The following POFUT2 variants were observed in gnomAD, a reference collection of about 807,000 sequenced individuals.
The protein encoded by POFUT2 is protein O-fucosyltransferase 2.
Under a neutral mutation model 55.0 loss-of-function variants are expected in POFUT2, and 30 were observed. That is an observed-to-expected ratio of 0.55 (90% CI 0.41 to 0.74). The LOEUF is 0.74. Among genes scored for constraint, POFUT2 ranks in the 30% least tolerant of loss-of-function variants. The pLI is 0.00. For synonymous variants in POFUT2, 267 were observed against 231.1 expected (o/e 1.16, Z -1.41); for missense variants, 524 against 562.6 (o/e 0.93, Z 0.69).
In POFUT2 at chr21:45,265,276, G is replaced by GTGGT; in HGVS notation, c.*205_*206insACCA. ...ACAACCGCCACCCCCGAGAGCAGCG[G>GTGGT]AGCCTCTTCATCAGCCATGGCGGCT... is the stretch of plus-strand genomic sequence containing the variant. On this transcript the variant is annotated 3_prime_UTR_variant, in exon 9 of 9. Transcript: ENST00000349485. The surrounding 1 kb of genome is among the most constrained non-coding windows in gnomAD (Gnocchi z 4.6). The GTGGT allele has an allele frequency of 2.3e-6, 1 of 429,568 alleles. No homozygotes were observed. 26.6% of individuals were successfully genotyped at this position (429,568 alleles called of 1,614,324 possible). A position where few individuals can be genotyped will look rare whatever the true frequency, so the allele number is the denominator to read the frequency against.
rs534951129 is a variant in POFUT2 at position 45,265,686 on chromosome 21, G to A, written c.1137-51C>T. ...AGTCAGGGAGAACTGGCGTCACAGA[G>A]GTTCCAGAGTCAGGGAGAACTGAGA... is the stretch of plus-strand genomic sequence containing the variant. On this transcript the variant is annotated intron_variant, in intron 8 of 8. Transcript: ENST00000349485. The surrounding 1 kb of genome is among the most constrained non-coding windows in gnomAD (Gnocchi z 4.6). 3.1e-6 allele frequency: 3 copies of A among 979,238 alleles called. No homozygotes were observed. The highest frequency in any genetic ancestry group is 4.0e-6 in the Non-Finnish European group (3 of 748,904). 60.7% of individuals were successfully genotyped at this position (979,238 alleles called of 1,614,324 possible).
chr21:45,278,208 T>G (rs190455714), intron 4 of POFUT2, 39 bp from the exon 5 acceptor site: 1 of 1,529,516 alleles, frequency 6.5e-7, no homozygotes, highest in Admixed American at 1.7e-5. Flanking sequence ...GTTATAAGAG[T>G]TAAGGATGAT....
rs530089816 is a variant in POFUT2 at position 45,287,835 on chromosome 21, C to T, written c.37G>A (p.Ala13Thr). 4.1e-6 allele frequency: 6 copies of T among 1,458,446 alleles called. No homozygotes were observed. In the African/African-American group the frequency reaches 5.9e-5, roughly 14 times the overall value. 90.3% of individuals were successfully genotyped at this position (1,458,446 alleles called of 1,614,324 possible). The change falls in exon 1 of 9, where the codon GCA becomes ACA. Residue 13 changes from alanine to threonine, a missense_variant. Physicochemically the swap from Ala to Thr is moderately conservative, Grantham distance 58. This residue lies in a region of POFUT2 where 274 missense variants were observed against 244.4 expected (regional missense o/e 1.12). Transcript: ENST00000349485. Reference protein sequence around the residue: ...TLSFVFLLLGAVSWPPASASG... With the variant: ...TLSFVFLLLGTVSWPPASASG... ...GCAGAAGCCGGAGGCCAGGACACTG[C>T]CCCCAGCAGCAGGAAGACGAAGCTG...
In POFUT2 at chr21:45,284,960, C is replaced by A. The variant is rs1021895334; in HGVS notation, c.382+718G>T. ...CAGAGTGACAAGATCTAGGGTGCAACGAGAACCACATCCTTGAAAAATGAT... is the reference window on the plus strand; with the variant it reads ...CAGAGTGACAAGATCTAGGGTGCAAAGAGAACCACATCCTTGAAAAATGAT... On this transcript the variant is annotated intron_variant, in intron 2 of 8. Transcript: ENST00000349485. The surrounding 1 kb of genome is among the most constrained non-coding windows in gnomAD (Gnocchi z 5.8). Among the ~76,000 whole-genome samples the A allele has an allele frequency of 6.6e-6, 1 of 152,094 alleles. No homozygotes were observed. Among genetic ancestry groups the A allele is most frequent in the African/African-American group, 2.4e-5 (1 of 41,394 alleles).
At chr21:45,283,058 G>A (rs912272894) in intron 3 of POFUT2, 2 of 392,004 alleles carry the variant, frequency 5.1e-6, no homozygotes, top group African/African-American at 2.1e-5. Flanking sequence ...TGTCAAGGAC[G>A]AGGAACGGTG....
chr21:45,267,767 T>C lies in POFUT2; in HGVS notation c.1013-54A>G. 3 of 1,509,496 alleles carry C rather than the reference T, an allele frequency of 2.0e-6. No individual in the cohort carries two copies. The highest frequency in any genetic ancestry group is 2.7e-6 in the Non-Finnish European group (3 of 1,091,510). The allele number at this position is 1,509,496 out of a possible 1,614,324, so 93.5% of individuals were successfully genotyped here. ...ACCGGGATCCTCCAGTAAGGACAGATACGTGACTCTTTAGCAGACAGACAT... is the reference window on the plus strand; with the variant it reads ...ACCGGGATCCTCCAGTAAGGACAGACACGTGACTCTTTAGCAGACAGACAT... On this transcript the variant is annotated intron_variant, in intron 7 of 8. Transcript: ENST00000349485. The surrounding 1 kb of genome is among the most constrained non-coding windows in gnomAD (Gnocchi z 4.4).
At chr21:45,268,717 G>A (rs1348413579) in intron 7 of POFUT2, among the ~76,000 whole-genome samples, 15 of 139,210 alleles carry the variant, frequency 1.1e-4, no homozygotes, top group East Asian at 4.5e-4. Context: ...CGGCCGCCCC[G>A]TCTGAGAAGT....
In POFUT2 at chr21:45,284,845, G is replaced by C. The variant is rs2031194612; in HGVS notation, c.382+833C>G. ...GCTTTTTACAAGCAGCAGACTTTCTGACTTGGTATCAACAAGGATGTTGGA... is the reference window on the plus strand; with the variant it reads ...GCTTTTTACAAGCAGCAGACTTTCTCACTTGGTATCAACAAGGATGTTGGA... On this transcript the variant is annotated intron_variant, in intron 2 of 8. Coordinates refer to ENST00000349485, the MANE Select transcript of POFUT2 (RefSeq NM_133635.6). This position sits in a 1 kb window ranked among gnomAD's most constrained non-coding sequence, Gnocchi z 5.8. 6.6e-6 allele frequency among the ~76,000 whole-genome samples: 1 copy of C among 152,176 alleles called. No individual in the cohort carries two copies. The highest frequency in any genetic ancestry group is 1.5e-5 in the Non-Finnish European group (1 of 68,032).
Position 45,267,724 on chromosome 21 carries a change from G to A in POFUT2, c.1013-11C>T. 6.2e-7 allele frequency: 1 copy of A among 1,612,790 alleles called. No homozygotes were observed. Among genetic ancestry groups the A allele is most frequent in the Non-Finnish European group, 8.5e-7 (1 of 1,178,946 alleles). ...TTAGCTCTTCATATTCTGCAAAGTAGAAGGAGAGACCCTTTGAACCGGGAT... is the reference window on the plus strand; with the variant it reads ...TTAGCTCTTCATATTCTGCAAAGTAAAAGGAGAGACCCTTTGAACCGGGAT... On this transcript the variant is annotated splice_polypyrimidine_tract_variant and intron_variant, in intron 7 of 8. Coordinates refer to ENST00000349485, the MANE Select transcript of POFUT2 (RefSeq NM_133635.6). The surrounding 1 kb of genome is among the most constrained non-coding windows in gnomAD (Gnocchi z 4.4).
At chr21:45,286,734 C>A (rs117082966) in intron 1 of POFUT2, among the ~76,000 whole-genome samples, 10 of 152,242 alleles carry the variant, frequency 6.6e-5, no homozygotes, top group Non-Finnish European at 1.2e-4. Flanking sequence ...CTGTCCCTGG[C>A]GCTCTCCTTT....
At chr21:45,283,132 G>A (rs1301057924) in intron 3 of POFUT2, among the ~76,000 whole-genome samples, 2 of 151,124 alleles carry the variant, frequency 1.3e-5, no homozygotes, top group Non-Finnish European at 3.0e-5. Context: ...CCCAGGAGGG[G>A]ACGCCCAGAA....
At chr21:45,274,243 A>G (rs1442773980) in intron 6 of POFUT2, among the ~76,000 whole-genome samples, 2 of 152,084 alleles carry the variant, frequency 1.3e-5, no homozygotes, top group African/African-American at 4.8e-5. Context: ...ACAAACAAAA[A>G]CAACCAAAAA....
At chr21:45,266,579 T>C (rs6518220) in intron 8 of POFUT2, 704,880 of 1,055,210 alleles carry the variant, frequency 0.67, 237,665 homozygotes, top group African/African-American at 0.9. Context: ...CAGGGGTGAG[T>C]TCGTAACTGG....
rs370486874 is a variant in POFUT2 at position 45,265,442 on chromosome 21, G to A, written c.*40C>T. ...ACGGCGACAGAACCTGCATCCACCC[G>A]CGCCTGTCGGGTCCGGGGAGCGGCC... On this transcript the variant is annotated 3_prime_UTR_variant, in exon 9 of 9. Coordinates refer to ENST00000349485, the MANE Select transcript of POFUT2 (RefSeq NM_133635.6). This position sits in a 1 kb window ranked among gnomAD's most constrained non-coding sequence, Gnocchi z 4.6. The A allele has an allele frequency of 1.9e-4, 290 of 1,560,456 alleles. No individual in the cohort carries two copies. The highest frequency in any genetic ancestry group is 1.7e-3 in the Middle Eastern group (8 of 4,648).
Position 45,269,785 on chromosome 21 carries a change from T to A in POFUT2, c.1012+54A>T, listed in dbSNP as rs1336864584. The stretch of plus-strand genomic sequence containing the variant: ...GTGAGAAACACCCAAGAATTATCAA[T>A]AAAAAAAATAAATTAAAAGAAAGGA... On this transcript the variant is annotated intron_variant, in intron 7 of 8. Coordinates refer to ENST00000349485, the MANE Select transcript of POFUT2 (RefSeq NM_133635.6). The A allele has an allele frequency of 7.3e-6, 11 of 1,504,040 alleles. No individual in the cohort carries two copies. In the Admixed American group the frequency reaches 1.4e-4, roughly 19 times the overall value. 93.2% of individuals were successfully genotyped at this position (1,504,040 alleles called of 1,614,324 possible). A position where few individuals can be genotyped will look rare whatever the true frequency, so the allele number is the denominator to read the frequency against.
intron 3 of POFUT2, 71 bp downstream of exon 3, chr21:45,283,312 G>GC (rs2030955678): frequency 6.4e-6 from 5 of 787,246 alleles, no homozygotes; most frequent in South Asian, 3.8e-5. Context: ...CTGAGGCGGG[G>GC]GGGGGGGGAC....
intron 6 of POFUT2, 127 bp downstream of exon 6, chr21:45,276,890 A>G: frequency 1.0e-6 from 1 of 992,958 alleles, no homozygotes; most frequent in South Asian, 1.5e-5. Context: ...CATTCCAGAG[A>G]GGCGCCGAGG....
Position 45,270,066 on chromosome 21 carries a change from G to A in POFUT2, c.832-47C>T. ...ATGCAGAAGCTGACAGGCGGGCTCG[G>A]GGCTCATCCTGGGCACCGGGTGGGA... On this transcript the variant is annotated intron_variant, in intron 6 of 8. Transcript: ENST00000349485. The surrounding 1 kb of genome is among the most constrained non-coding windows in gnomAD (Gnocchi z 4.6). 1 of 1,456,300 alleles carries A rather than the reference G, an allele frequency of 6.9e-7. No homozygotes were observed. Among genetic ancestry groups the A allele is most frequent in the Non-Finnish European group, 9.1e-7 (1 of 1,102,554 alleles). 90.2% of individuals were successfully genotyped at this position (1,456,300 alleles called of 1,614,324 possible). A position where few individuals can be genotyped will look rare whatever the true frequency, so the allele number is the denominator to read the frequency against.
chr21:45,279,991 C>T (rs915290324), intron 4 of POFUT2, among the ~76,000 whole-genome samples: 3 of 152,188 alleles, frequency 2.0e-5, no homozygotes, highest in African/African-American at 7.2e-5. Context: ...TGGGTGCCTC[C>T]GGCCCTGCTT....
Sources: allele counts gnomAD v4.1 joint callset (sites outside exome capture counted in the v4.1 genomes callset), GRCh38; gene constraint gnomAD v4.1.1; regional missense constraint gnomAD v4.1.1; non-coding constraint Gnocchi (gnomAD v3.1); transcripts MANE v1.5; gene names NCBI Gene and HGNC (gene_info 2026-07-23, HGNC 2026-07-21).